The following TFAP2B variants were observed in gnomAD, a reference collection of about 807,000 sequenced individuals.
The protein encoded by TFAP2B is transcription factor AP-2-beta.
TFAP2B carries 9 observed loss-of-function variants against 44.3 expected under a neutral mutation model. That is an observed-to-expected ratio of 0.20 (90% CI 0.12 to 0.35). TFAP2B has a LOEUF of 0.35. TFAP2B is among the 10% of genes least tolerant of loss of function. The pLI, the probability that TFAP2B is intolerant of heterozygous loss-of-function variation, is 1.00. For synonymous variants in TFAP2B, 270 were observed against 263.8 expected, an observed-to-expected ratio of 1.02 and a Z score of -0.23; for missense variants, 509 against 600.0, an observed-to-expected ratio of 0.85 and a Z score of 1.59.
intron 3 of TFAP2B, among the ~76,000 whole-genome samples, chr6:50,835,784 T>C (rs138665670): frequency 1.3e-5 from 2 of 152,288 alleles, no homozygotes; most frequent in Non-Finnish European, 2.9e-5. Flanking sequence ...GTCCAAACTC[T>C]GGGTTGTTTG....
chr6:50,833,137 A>G (rs1283101266), intron 3 of TFAP2B, among the ~76,000 whole-genome samples: 1 of 152,202 alleles, frequency 6.6e-6, no homozygotes, highest in Non-Finnish European at 1.5e-5. Flanking sequence ...CTTTAAACCT[A>G]TCTCAGTCAT....
At chr6:50,842,525 C>T (rs569973601) in intron 6 of TFAP2B, among the ~76,000 whole-genome samples, 6 of 152,308 alleles carry the variant, frequency 3.9e-5, no homozygotes, top group African/African-American at 1.4e-4. Context: ...GCTCCCTCCC[C>T]CAATACTGCA....
chr6:50,839,025 C>A (rs1435271502), intron 5 of TFAP2B, among the ~76,000 whole-genome samples: 1 of 152,180 alleles, frequency 6.6e-6, no homozygotes, highest in Non-Finnish European at 1.5e-5. Flanking sequence ...TTATACTTGG[C>A]CATTTTTAAG....
rs1371952839 is a variant in TFAP2B at position 50,843,413 on chromosome 6, G to T, written c.*21G>T. Reference sequence around the variant, plus strand: ...AATGAAAAATTTTTAAAAAAAGAAGGAAAAATGTTTTAAATACAAAAGGAA... The same window carrying T: ...AATGAAAAATTTTTAAAAAAAGAAGTAAAAATGTTTTAAATACAAAAGGAA... On this transcript the variant is annotated 3_prime_UTR_variant, in exon 7 of 7. Transcript: ENST00000393655. 7 of 1,605,912 alleles carry T rather than the reference G, an allele frequency of 4.4e-6. No homozygotes were observed. Among genetic ancestry groups the T allele is most frequent in the Non-Finnish European group, 5.1e-6 (6 of 1,176,724 alleles).
chr6:50,825,113 T>C (rs1451232276), intron 2 of TFAP2B, among the ~76,000 whole-genome samples: 1 of 152,220 alleles, frequency 6.6e-6, no homozygotes, highest in Non-Finnish European at 1.5e-5. Flanking sequence ...TGATTGTTTA[T>C]TGTTTTAAAA....
In TFAP2B at chr6:50,846,054, A is replaced by G. The variant is rs1762842985; in HGVS notation, c.*2662A>G. ...AAGCTTCCCCTCCTCCACCTCTGCC[A>G]GTACGGAAACACCCCACCGTCACAA... On this transcript the variant is annotated 3_prime_UTR_variant, in exon 7 of 7. Transcript: ENST00000393655. 1 of 152,700 alleles carries G rather than the reference A, an allele frequency of 6.5e-6. No homozygotes were observed. Among genetic ancestry groups the G allele is most frequent in the African/African-American group, 2.4e-5 (1 of 41,454 alleles). The allele number at this position is 152,700 out of a possible 1,614,324, so 9.5% of individuals were successfully genotyped here. A position where few individuals can be genotyped will look rare whatever the true frequency, so the allele number is the denominator to read the frequency against.
rs1762843788 is a variant in TFAP2B at position 50,846,089 on chromosome 6, G to C, written c.*2697G>C. ...CACCCCACCGTCACAATCCTAAAGC[G>C]GGGAGATGGGATGGGAATTGTCTTA... On this transcript the variant is annotated 3_prime_UTR_variant, in exon 7 of 7. Transcript: ENST00000393655. 6.5e-6 allele frequency: 1 copy of C among 152,744 alleles called. No individual in the cohort carries two copies. Among genetic ancestry groups the C allele is most frequent in the Non-Finnish European group, 1.5e-5 (1 of 68,120 alleles). The allele number at this position is 152,744 out of a possible 1,614,324, so 9.5% of individuals were successfully genotyped here.
At chr6:50,842,684 C>T (rs896137496) in intron 6 of TFAP2B, among the ~76,000 whole-genome samples, 2 of 152,220 alleles carry the variant, frequency 1.3e-5, no homozygotes, top group African/African-American at 4.8e-5. Flanking sequence ...CTTTTTGCGC[C>T]TGATCACCAA....
rs747403650 is a variant in TFAP2B, at chr6:50,823,445, C to G, written c.120C>G (p.Leu40=). ...GTGTCCCGAGCCACAGCTCGCGGCT[C>G]TCCCAGCTGGGCTCGGTGTCCCAAG... ...HDGVPSHSSR[L]SQLGSVSQGP... Residue 40 remains leucine, a synonymous_variant, in exon 2 of 7, where the codon CTC becomes CTG. Coordinates refer to ENST00000393655, the MANE Select transcript of TFAP2B (RefSeq NM_003221.4). The G allele has an allele frequency of 2.5e-6, 4 of 1,608,234 alleles. No individual in the cohort carries two copies. Among genetic ancestry groups the G allele is most frequent in the Non-Finnish European group, 1.7e-6 (2 of 1,177,502 alleles).
At chr6:50,839,242 C>T (rs773578978) in intron 5 of TFAP2B, among the ~76,000 whole-genome samples, 2 of 152,154 alleles carry the variant, frequency 1.3e-5, no homozygotes, top group Non-Finnish European at 2.9e-5. Context: ...AAACTGGAAA[C>T]CCCACTAAAA....
intron 1 of TFAP2B, among the ~76,000 whole-genome samples, chr6:50,821,213 A>C (rs966889553): frequency 6.6e-6 from 1 of 152,224 alleles, no homozygotes; most frequent in Non-Finnish European, 1.5e-5. Context: ...AATTGAGGTA[A>C]AAATCGCAAA....
chr6:50,828,581 T>G, intron 2 of TFAP2B, 38 bp from the exon 3 acceptor site: 2 of 1,566,298 alleles, frequency 1.3e-6, no homozygotes. Context: ...TTCTTTAATA[T>G]CCTGTCAATT....
At position 50,823,460 on chromosome 6, in the gene TFAP2B, G is replaced by A. The variant is rs1260331751; in HGVS notation, c.135G>A (p.Ser45=). 1.9e-6 allele frequency: 3 copies of A among 1,610,504 alleles called. No homozygotes were observed. Among genetic ancestry groups the A allele is most frequent in the South Asian group, 2.2e-5 (2 of 90,504 alleles). Residue 45 remains serine (S), a synonymous_variant, in exon 2 of 7, where the codon TCG becomes TCA. Transcript: ENST00000393655. The part of the protein sequence containing the change: ...SHSSRLSQLG[S]VSQGPYSSAP... Reference sequence around the variant, plus strand: ...GCTCGCGGCTCTCCCAGCTGGGCTCGGTGTCCCAAGGACCCTACTCGAGCG... The same window carrying A: ...GCTCGCGGCTCTCCCAGCTGGGCTCAGTGTCCCAAGGACCCTACTCGAGCG...
chr6:50,821,351 A>G (rs2113925422), intron 1 of TFAP2B, among the ~76,000 whole-genome samples: 1 of 152,338 alleles, frequency 6.6e-6, no homozygotes, highest in African/African-American at 2.4e-5. Flanking sequence ...GTAAATAACC[A>G]GGCCCACCAA....
chr6:50,819,780 C>T (rs890055183), intron 1 of TFAP2B, among the ~76,000 whole-genome samples: 1 of 152,172 alleles, frequency 6.6e-6, no homozygotes, highest in East Asian at 1.9e-4. Flanking sequence ...CGAGGGCTGA[C>T]GCGGCCAGAC....
Position 50,821,628 on chromosome 6 carries a change from T to C in TFAP2B, c.82-1779T>C, listed in dbSNP as rs1770350188. The stretch of plus-strand genomic sequence containing the variant: ...GCTAAACTTTTTCCCCAGTCTGCCT[T>C]TGCCAGCCCCCTCGTCTGATTACAT... On this transcript the variant is annotated intron_variant, in intron 1 of 6. Coordinates refer to ENST00000393655, the MANE Select transcript of TFAP2B (RefSeq NM_003221.4). Among the ~76,000 whole-genome samples the C allele has an allele frequency of 3.3e-5, 5 of 152,260 alleles. No individual in the cohort carries two copies. The South Asian group carries it at 1.0e-3, about 32-fold the overall frequency.
chr6:50,824,453 C>G (rs1770447565), intron 2 of TFAP2B, among the ~76,000 whole-genome samples: 1 of 152,148 alleles, frequency 6.6e-6, no homozygotes, highest in African/African-American at 2.4e-5. Context: ...GAGCTTTTTT[C>G]CAAGAGATAG....
chr6:50,843,368 CAAG>C lies in TFAP2B; in HGVS notation c.1360_1362del (p.Lys454del). ...AAGGCCCAGGTAGTAAAACTGGCGA[CAAG>C]GAGGAGAAACACAGGAAATGAAAAA... On this transcript the variant is annotated inframe_deletion, in exon 7 of 7. Coordinates refer to ENST00000393655, the MANE Select transcript of TFAP2B (RefSeq NM_003221.4). 6.2e-7 allele frequency: 1 copy of C among 1,610,668 alleles called. No homozygotes were observed.
At chr6:50,841,440 T>TGG (rs145327195) in intron 6 of TFAP2B, among the ~76,000 whole-genome samples, 30 of 151,718 alleles carry the variant, frequency 2.0e-4, no homozygotes, top group East Asian at 3.9e-4. Context: ...GGTGTGTGTG[T>TGG]GGGGGGGATC....
Sources: gnomAD v4.1 joint callset for allele counts (sites outside exome capture counted in the v4.1 genomes callset) on GRCh38, gnomAD v4.1.1 for gene constraint, MANE v1.5 for transcripts, NCBI Gene and HGNC (gene_info 2026-07-23, HGNC 2026-07-21) for gene names.